The following RELN variants were observed in gnomAD, a reference collection of about 807,000 sequenced individuals.
The protein encoded by RELN is reelin.
In RELN, 108 loss-of-function variants were observed where a neutral mutation model predicts 427.6. That is an observed-to-expected ratio of 0.25 (90% confidence interval 0.22 to 0.30). RELN has a LOEUF of 0.30. Ranked by LOEUF, RELN falls within the 10% of genes least tolerant of loss-of-function variation. The pLI is 1.00. For synonymous variants in RELN, 1,524 were observed against 1,513.4 expected, an observed-to-expected ratio of 1.01 and a Z score of -0.16; for missense variants, 3,715 against 4,302.8, an observed-to-expected ratio of 0.86 and a Z score of 3.82.
intron 36 of RELN, among the ~76,000 whole-genome samples, chr7:103,558,600 C>T (rs1228739506): frequency 3.9e-5 from 6 of 152,176 alleles, no homozygotes; most frequent in Non-Finnish European, 5.9e-5. Flanking sequence ...CTGATGCTCA[C>T]GCTGTAGGCA....
chr7:103,745,068 T>C (rs1001007830), intron 6 of RELN, among the ~76,000 whole-genome samples: 1 of 152,174 alleles, frequency 6.6e-6, no homozygotes, highest in Non-Finnish European at 1.5e-5. Flanking sequence ...TTATCCACCA[T>C]GATCAAGTGG....
chr7:103,580,637 T>A (rs186939208), intron 28 of RELN, among the ~76,000 whole-genome samples: 22 of 152,290 alleles, frequency 1.4e-4, no homozygotes. Context: ...ATGGTTAAGT[T>A]CTTTAGTGAT....
chr7:103,508,445 T>A (rs1370995157), intron 51 of RELN, among the ~76,000 whole-genome samples: 1 of 152,198 alleles, frequency 6.6e-6, no homozygotes, highest in Non-Finnish European at 1.5e-5. Context: ...TTCGCCAATA[T>A]TCAGTAGCCC....
intron 2 of RELN, among the ~76,000 whole-genome samples, chr7:103,870,869 G>A (rs146045903): frequency 2.0e-3 from 298 of 152,212 alleles, no homozygotes; most frequent in African/African-American, 6.6e-3. Context: ...CCTGCTGAGC[G>A]GCTCCCTCCT....
intron 11 of RELN, among the ~76,000 whole-genome samples, chr7:103,664,495 T>C (rs1562946686): frequency 6.6e-6 from 1 of 152,206 alleles, no homozygotes; most frequent in Non-Finnish European, 1.5e-5. Flanking sequence ...AAGGAATCTC[T>C]GCTGAGAAAG....
At chr7:103,738,784 G>A (rs1268652897) in intron 6 of RELN, among the ~76,000 whole-genome samples, 1 of 142,832 alleles carries the variant, frequency 7.0e-6, no homozygotes, top group South Asian at 2.3e-4. Context: ...CTGGGTTCAA[G>A]TGATTCTCCT....
At chr7:103,485,028 A>G (rs75887187) in intron 61 of RELN, among the ~76,000 whole-genome samples, 1 of 152,172 alleles carries the variant, frequency 6.6e-6, no homozygotes, top group East Asian at 1.9e-4. Flanking sequence ...ATAAATCATC[A>G]TAAGATTCCT....
At chr7:103,503,297 G>A in intron 51 of RELN, 67 bp from the exon 52 acceptor site, 1 of 1,453,552 alleles carries the variant, frequency 6.9e-7, no homozygotes, top group South Asian at 1.2e-5. Context: ...CAAGGACTTG[G>A]CAGCAAAAAA....
At chr7:103,519,238 G>A (rs1829643973) in intron 49 of RELN, 85 bp downstream of exon 49, 1 of 1,029,926 alleles carries the variant, frequency 9.7e-7, no homozygotes, top group African/African-American at 1.6e-5. Context: ...ATAAGTCTGA[G>A]GTCCCCCTCA....
chr7:103,976,999 G>A (rs905747208), intron 1 of RELN, among the ~76,000 whole-genome samples: 5 of 151,912 alleles, frequency 3.3e-5, no homozygotes, highest in African/African-American at 4.8e-5. Context: ...ATATTCCCTC[G>A]CAGGTTGTTA....
At chr7:103,633,691 A>G (rs988338975) in intron 19 of RELN, among the ~76,000 whole-genome samples, 4 of 152,142 alleles carry the variant, frequency 2.6e-5, no homozygotes, top group African/African-American at 7.2e-5. Context: ...TATTTTTCAT[A>G]TCAACAAAGA....
chr7:103,486,543 A>G, intron 60 of RELN, 127 bp from the exon 61 acceptor site: 1 of 764,674 alleles, frequency 1.3e-6, no homozygotes. Flanking sequence ...AAGGAACTTA[A>G]ACAACTTTAC....
chr7:103,489,246 T>G (rs1828564211), intron 60 of RELN, among the ~76,000 whole-genome samples: 1 of 142,356 alleles, frequency 7.0e-6, no homozygotes, highest in South Asian at 2.2e-4. Context: ...CACAGTGACC[T>G]GGAAACCAGA....
chr7:103,637,035 C>G (rs879509991), intron 17 of RELN, among the ~76,000 whole-genome samples: 1 of 152,180 alleles, frequency 6.6e-6, no homozygotes, highest in Admixed American at 6.6e-5. Context: ...TCTCAGTGGA[C>G]TCTCCCAAAT....
intron 2 of RELN, among the ~76,000 whole-genome samples, chr7:103,875,219 A>G (rs2116541413): frequency 6.7e-6 from 1 of 148,570 alleles, no homozygotes; most frequent in Admixed American, 6.8e-5. Context: ...AAGATGGATT[A>G]AAGATTTAAA....
At chr7:103,485,329 G>A (rs1002537885) in intron 61 of RELN, among the ~76,000 whole-genome samples, 1 of 151,384 alleles carries the variant, frequency 6.6e-6, no homozygotes, top group Non-Finnish European at 1.5e-5. Flanking sequence ...ATCATATGAA[G>A]GGCCCCCAAA....
At chr7:103,560,261 A>G (rs1014733762) in intron 36 of RELN, among the ~76,000 whole-genome samples, 1 of 152,184 alleles carries the variant, frequency 6.6e-6, no homozygotes, top group Non-Finnish European at 1.5e-5. Context: ...TGAATCTATA[A>G]ACATTAAAAA....
At chr7:103,721,887 TA>T (rs1185829345) in intron 8 of RELN, among the ~76,000 whole-genome samples, 1 of 152,164 alleles carries the variant, frequency 6.6e-6, no homozygotes, top group African/African-American at 2.4e-5. Flanking sequence ...ACGCTACAGT[TA>T]AAAAAATTTG....
intron 10 of RELN, among the ~76,000 whole-genome samples, chr7:103,689,486 T>C (rs1017512127): frequency 6.6e-6 from 1 of 151,900 alleles, no homozygotes; most frequent in African/African-American, 2.4e-5. Flanking sequence ...CTTTTTCTCT[T>C]TTGAAAACAC....
Sources: gnomAD v4.1 joint callset for allele counts (sites outside exome capture counted in the v4.1 genomes callset) on GRCh38, gnomAD v4.1.1 for gene constraint, MANE v1.5 for transcripts, NCBI Gene and HGNC (gene_info 2026-07-23, HGNC 2026-07-21) for gene names.